ZSCAN32: variants seen among roughly 807,000 people sequenced by gnomAD.
ZSCAN32 encodes zinc finger and SCAN domain-containing protein 32.
In ZSCAN32, 52 loss-of-function variants were observed where a neutral mutation model predicts 47.4. The observed-to-expected ratio is 1.10, with a 90% CI of 0.88 to 1.38. The LOEUF (loss-of-function observed/expected upper bound fraction) is 1.38. Ranked by LOEUF, ZSCAN32 falls within the 40% of genes most tolerant of loss-of-function variation. ZSCAN32 has a pLI of 0.00. For missense variants in ZSCAN32, 959 were observed against 846.0 expected (o/e 1.13, Z -1.66); for synonymous variants, 346 against 305.7 (o/e 1.13, Z -1.38).
Position 3,383,465 on chromosome 16 carries a change from C to T in ZSCAN32, c.1481G>A (p.Cys494Tyr), listed in dbSNP as rs2031512495. 3 of 1,614,158 alleles carry T rather than the reference C, an allele frequency of 1.9e-6. No homozygotes were observed. Among genetic ancestry groups the T allele is most frequent in the Non-Finnish European group, 2.5e-6 (3 of 1,180,008 alleles). The change falls in exon 7 of 7, where the codon TGT becomes TAT. Residue 494 changes from cysteine to tyrosine, a missense_variant. By Grantham distance (194) the Cys-to-Tyr change is radical (BLOSUM62 -2). Transcript: ENST00000396852. ...HQSFCARDKA[C>Y]THILCGKNCS... is the part of the protein sequence containing the mutation. ...GTTTTTCCCACAGAGGATATGTGTA[C>T]AGGCTTTGTCCCTGGCACAAAAACT... is the stretch of plus-strand genomic sequence containing the variant.
chr16:3,395,028 A>G (rs2033234223), intron 2 of ZSCAN32, among the ~76,000 whole-genome samples: 1 of 152,104 alleles, frequency 6.6e-6, no homozygotes, highest in Admixed American at 6.5e-5. Flanking sequence ...TTGATTTATG[A>G]TTGTCTGTTT....
intron 5 of ZSCAN32, among the ~76,000 whole-genome samples, chr16:3,386,558 T>C (rs144074888): frequency 3.2e-4 from 48 of 152,268 alleles, no homozygotes; most frequent in African/African-American, 1.1e-3. Context: ...CCAACAATGA[T>C]AGACTGGATT....
chr16:3,393,223 TATATAAATTTATATA>T lies in ZSCAN32; in HGVS notation c.532+411_532+425del, dbSNP rs1567319695. On this transcript the variant is annotated intron_variant, in intron 3 of 6. Transcript: ENST00000396852. ...ATATTTATATTTATATATATATATATATATAAATTTATATATTTTATATATATATATATTTTTTGT... is the reference window on the plus strand; with the variant it reads ...ATATTTATATTTATATATATATATATTTTTATATATATATATATTTTTTGT... Among the ~76,000 whole-genome samples, 19 of 25,622 alleles carry T rather than the reference TATATAAATTTATATA, an allele frequency of 7.4e-4. 7 individuals are homozygous for T. Among genetic ancestry groups the T allele is most frequent in the African/African-American group, 6.3e-3 (18 of 2,850 alleles). 16.8% of individuals were successfully genotyped at this position (25,622 alleles called of 152,430 possible).
chr16:3,388,503 T>G (rs1375903629), intron 5 of ZSCAN32, among the ~76,000 whole-genome samples: 2 of 152,250 alleles, frequency 1.3e-5, no homozygotes, highest in Admixed American at 1.3e-4. Context: ...GCTTACTGAT[T>G]ATGCTATGGT....
At chr16:3,384,141 A>G in intron 6 of ZSCAN32, 1 of 537,460 alleles carries the variant, frequency 1.9e-6, no homozygotes, top group Non-Finnish European at 3.2e-6. Context: ...AGGCTGTGAA[A>G]GGCAAGGCCA....
chr16:3,385,014 G>A, intron 5 of ZSCAN32, 73 bp from the exon 6 acceptor site: 2 of 1,515,748 alleles, frequency 1.3e-6, no homozygotes, highest in South Asian at 2.6e-5. Flanking sequence ...GCAGTGTGCA[G>A]TTTTGGCAGC....
In ZSCAN32 at chr16:3,384,825, T is replaced by A. The variant is rs1274383031; in HGVS notation, c.868A>T (p.Met290Leu). The A allele has an allele frequency of 6.2e-7, 1 of 1,614,206 alleles. No homozygotes were observed. Among genetic ancestry groups the A allele is most frequent in the Admixed American group, 1.7e-5 (1 of 60,024 alleles). Residue 290 changes from methionine to leucine, a missense_variant, in exon 6 of 7, where the codon ATG becomes TTG. By Grantham distance (15) the Met-to-Leu change is conservative. Transcript: ENST00000396852. ...CQQNSQIYRA[M>L]AEGLWEQGFL... is the part of the protein sequence containing the mutation. ...CCCTGCTCCCAGAGTCCTTCCGCCA[T>A]GGCCCTGTAGATCTGGCTGTTCTGC... is the stretch of plus-strand genomic sequence containing the variant.
At chr16:3,385,494 T>G (rs2031860968) in intron 5 of ZSCAN32, among the ~76,000 whole-genome samples, 1 of 152,226 alleles carries the variant, frequency 6.6e-6, no homozygotes, top group Non-Finnish European at 1.5e-5. Flanking sequence ...AAGTCAATCC[T>G]AAGCCAAAAG....
In ZSCAN32 at chr16:3,384,698, T is replaced by G; in HGVS notation, c.995A>C (p.Tyr332Ser). 1.9e-6 allele frequency: 3 copies of G among 1,614,190 alleles called. No individual in the cohort carries two copies. Among genetic ancestry groups the G allele is most frequent in the Non-Finnish European group, 2.5e-6 (3 of 1,180,036 alleles). The change falls in exon 6 of 7, where the codon TAT becomes TCT. Residue 332 changes from tyrosine to serine, a missense_variant. Tyr to Ser is a moderately radical substitution (Grantham distance 144). Coordinates refer to ENST00000396852, the MANE Select transcript of ZSCAN32 (RefSeq NM_001284527.2). ...GCCTGAAAGAGCATTCATTTCCTCA[T>G]AAAAGATACAAGGCTCAGGCACACG... The part of the protein sequence containing the change: ...RGRVPEPCIF[Y>S]EEMNALSGSW...
intron 5 of ZSCAN32, among the ~76,000 whole-genome samples, chr16:3,385,813 A>ACC (rs2031909269): frequency 6.6e-6 from 1 of 152,246 alleles, no homozygotes; most frequent in African/African-American, 2.4e-5. Flanking sequence ...TTAAAGACTT[A>ACC]AACGTTAGAC....
At position 3,390,447 on chromosome 16, in the gene ZSCAN32, A is replaced by G. The variant is rs1394051774; in HGVS notation, c.603T>C (p.Ala201=). Residue 201 remains alanine, a synonymous_variant, in exon 4 of 7, where the codon GCT becomes GCC. Transcript: ENST00000396852. The stretch of plus-strand genomic sequence containing the variant: ...CCTGGGACCCAGCTGTCCAGACCAC[A>G]GCACCTGTCTCCTGGTCGTGGAGAC... ...NTGLHDQETG[A]VVWTAGSQGP... 1.9e-6 allele frequency: 3 copies of G among 1,550,254 alleles called. No individual in the cohort carries two copies. The South Asian group carries it at 3.6e-5, about 18-fold the overall frequency.
At chr16:3,387,360 A>G (rs1031618355) in intron 5 of ZSCAN32, among the ~76,000 whole-genome samples, 2 of 152,228 alleles carry the variant, frequency 1.3e-5, no homozygotes, top group African/African-American at 4.8e-5. Flanking sequence ...CAGCCAGCCC[A>G]TCTCTATCTG....
At chr16:3,387,157 T>C (rs1380380888) in intron 5 of ZSCAN32, among the ~76,000 whole-genome samples, 2 of 152,166 alleles carry the variant, frequency 1.3e-5, no homozygotes, top group Non-Finnish European at 2.9e-5. Flanking sequence ...TCCTACTCAT[T>C]CCTCCTGGAG....
intron 5 of ZSCAN32, among the ~76,000 whole-genome samples, chr16:3,387,057 T>C (rs2032096839): frequency 6.6e-6 from 1 of 152,152 alleles, no homozygotes; most frequent in South Asian, 2.1e-4. Flanking sequence ...AAACTTTTAG[T>C]ATAATACAAA....
Position 3,383,301 on chromosome 16 carries a change from G to A in ZSCAN32, c.1645C>T (p.His549Tyr). The A allele has an allele frequency of 6.2e-7, 1 of 1,614,212 alleles. No individual in the cohort carries two copies. The highest frequency in any genetic ancestry group is 8.5e-7 in the Non-Finnish European group (1 of 1,180,032). ...HQRIHTGEKP[H>Y]KCSECGKGFS... ...CCCTTCCCGCACTCACTGCACTTGT[G>A]AGGCTTCTCGCCTGTGTGGATTCTT... Residue 549 changes from histidine to tyrosine, a missense_variant, in exon 7 of 7, where the codon CAC (histidine) becomes TAC (tyrosine). His to Tyr is a moderately conservative substitution (Grantham distance 83). Coordinates refer to ENST00000396852, the MANE Select transcript of ZSCAN32 (RefSeq NM_001284527.2).
chr16:3,387,627 T>C (rs1320588356), intron 5 of ZSCAN32, among the ~76,000 whole-genome samples: 1 of 152,194 alleles, frequency 6.6e-6, no homozygotes, highest in Non-Finnish European at 1.5e-5. Context: ...TCACCCCCTC[T>C]TCTCCACACT....
chr16:3,385,474 C>T (rs2031856928), intron 5 of ZSCAN32, among the ~76,000 whole-genome samples: 1 of 152,166 alleles, frequency 6.6e-6, no homozygotes, highest in South Asian at 2.1e-4. Flanking sequence ...AAAAAAGAGC[C>T]CGCATTGCCA....
rs150936647 is a variant in ZSCAN32 at position 3,383,574 on chromosome 16, C to T, written c.1372G>A (p.Glu458Lys). The T allele has an allele frequency of 2.4e-3, 3,890 of 1,614,092 alleles. 5 individuals are homozygous for T. The highest frequency in any genetic ancestry group is 2.9e-3 in the Non-Finnish European group (3,445 of 1,180,034). ...CTACATTGCCTTCTTGATGTTGGCTCACTCTCCAAGCCTTTTTGTAGCTCA... is the reference window on the plus strand; with the variant it reads ...CTACATTGCCTTCTTGATGTTGGCTTACTCTCCAAGCCTTTTTGTAGCTCA... The part of the protein sequence containing the change: ...HSELQKGLES[E>K]PTSRRQCRNS... The change falls in exon 7 of 7, where the codon GAG becomes AAG. Residue 458 changes from glutamate to lysine, a missense_variant. Coordinates refer to ENST00000396852, the MANE Select transcript of ZSCAN32 (RefSeq NM_001284527.2).
intron 3 of ZSCAN32, among the ~76,000 whole-genome samples, chr16:3,393,260 T>A (rs2033033335): frequency 9.3e-5 from 2 of 21,476 alleles, no homozygotes; most frequent in African/African-American, 2.3e-4. Context: ...TATATATTTT[T>A]TGTTTTCTTT....
Sources: gnomAD v4.1 joint callset for allele counts (sites outside exome capture counted in the v4.1 genomes callset) on GRCh38, gnomAD v4.1.1 for gene constraint, MANE v1.5 for transcripts, NCBI Gene and HGNC (gene_info 2026-07-23, HGNC 2026-07-21) for gene names.